MESD: variants seen among roughly 807,000 people sequenced by gnomAD.
The protein encoded by MESD is mesoderm development LRP chaperone, also known as LRP chaperone MESD.
Under a neutral mutation model 12.9 loss-of-function variants are expected in MESD, and 7 were observed. That is an observed-to-expected ratio of 0.54 (90% confidence interval 0.31 to 1.02). MESD has a LOEUF of 1.02. MESD is among the 50% of genes least tolerant of loss of function. The pLI is 0.05. For missense variants in MESD, 342 were observed against 296.7 expected (o/e 1.15, Z -1.12); for synonymous variants, 126 against 115.6 (o/e 1.09, Z -0.58).
At chr15:80,967,561 G>A (rs1193903436) in intron 3 of MESD, among the ~76,000 whole-genome samples, 2 of 152,200 alleles carry the variant, frequency 1.3e-5, no homozygotes, top group African/African-American at 4.8e-5. Context: ...CCAACTTGGA[G>A]CTGAGGTAGG....
At chr15:80,967,988 G>C (rs1042067473) in intron 3 of MESD, among the ~76,000 whole-genome samples, 1 of 152,338 alleles carries the variant, frequency 6.6e-6, no homozygotes, top group Admixed American at 6.5e-5. Flanking sequence ...AAGTGGAAAG[G>C]GGTCCAACAT....
intron 3 of MESD, among the ~76,000 whole-genome samples, chr15:80,952,527 CAT>C (rs1392939756): frequency 6.6e-6 from 1 of 152,140 alleles, no homozygotes; most frequent in Non-Finnish European, 1.5e-5. Flanking sequence ...CGATATAAAA[CAT>C]TTCCATCACC....
intron 4 of MESD, chr15:80,948,972 T>C (rs769495777): frequency 6.8e-6 from 11 of 1,612,620 alleles, no homozygotes; most frequent in Non-Finnish European, 8.5e-6. Flanking sequence ...TGACGGTGAC[T>C]CTTGGCAGCA....
rs769078203 is a variant in MESD, at chr15:80,979,335, TTCC to T, written c.586_588del (p.Gly196del). The T allele has an allele frequency of 1.2e-6, 2 of 1,614,236 alleles. No individual in the cohort carries two copies. Among genetic ancestry groups the T allele is most frequent in the South Asian group, 2.2e-5 (2 of 91,088 alleles). ...TGCTTTGTTTTATTTTTCTCTTTGCTTCCTCCTCCTTTGCCGGGGTACACCTGG... is the reference window on the plus strand; with the variant it reads ...TGCTTTGTTTTATTTTTCTCTTTGCTTCCTCCTTTGCCGGGGTACACCTGG... On this transcript the variant is annotated inframe_deletion, in exon 3 of 3. Transcript: ENST00000261758.
chr15:80,957,296 A>T (rs1267659554), intron 3 of MESD, among the ~76,000 whole-genome samples: 1 of 152,210 alleles, frequency 6.6e-6, no homozygotes, highest in East Asian at 1.9e-4. Flanking sequence ...TACAGTCTCC[A>T]TAAAGAGAGG....
In MESD at chr15:80,984,363, A is replaced by T. The variant is rs79152770; in HGVS notation, c.214-2181T>A. 8.1e-4 allele frequency among the ~76,000 whole-genome samples: 123 copies of T among 152,314 alleles called. 2 individuals carry two copies. In the East Asian group the frequency reaches 0.022, roughly 27 times the overall value. ...TCGAAGCTGGAGATCACCTGAGCAC[A>T]GGAGTTAAAGACCAGCCTGAGCAAC... On this transcript the variant is annotated intron_variant, in intron 1 of 2. Transcript: ENST00000261758.
chr15:80,961,763 G>A (rs1902091074), intron 3 of MESD, among the ~76,000 whole-genome samples: 1 of 152,026 alleles, frequency 6.6e-6, no homozygotes, highest in Non-Finnish European at 1.5e-5. Flanking sequence ...GAAGATGAAA[G>A]AAAAAACATT....
intron 1 of MESD, among the ~76,000 whole-genome samples, chr15:80,984,997 C>T (rs1405178614): frequency 6.6e-6 from 1 of 152,210 alleles, no homozygotes; most frequent in Non-Finnish European, 1.5e-5. Context: ...CCTAAGAATC[C>T]TTACGCCTCG....
rs1035367854 is a variant in MESD at position 80,979,597 on chromosome 15, T to C, written c.447-120A>G. 8.6e-6 allele frequency: 11 copies of C among 1,276,148 alleles called. No individual in the cohort carries two copies. The African/African-American group carries it at 9.0e-5, about 10-fold the overall frequency. 79.1% of individuals were successfully genotyped at this position (1,276,148 alleles called of 1,614,324 possible). A position where few individuals can be genotyped will look rare whatever the true frequency, so the allele number is the denominator to read the frequency against. On this transcript the variant is annotated intron_variant, in intron 2 of 2. Coordinates refer to ENST00000261758, the MANE Select transcript of MESD (RefSeq NM_015154.3). The stretch of plus-strand genomic sequence containing the variant: ...TTCTACATGAATATGGAATGAAAAA[T>C]TGGATTTTCCAAAGCCTAGCAGCTA...
chr15:80,953,751 A>T (rs1012540), intron 3 of MESD, among the ~76,000 whole-genome samples: 22,041 of 152,182 alleles, frequency 0.14, 3,337 homozygotes, highest in African/African-American at 0.38. Flanking sequence ...CCCCACAGAC[A>T]GGAGGGGTGA....
chr15:80,989,728 G>A lies in MESD; in HGVS notation c.64C>T (p.Leu22=), dbSNP rs1465763821. Residue 22 remains leucine (L), a synonymous_variant, in exon 1 of 3, where the codon CTG becomes TTG. Coordinates refer to ENST00000261758, the MANE Select transcript of MESD (RefSeq NM_015154.3). ...VLLCASDLLL[L]LLLLPPPGSC... is the part of the protein sequence containing the mutation. Reference sequence around the variant, plus strand: ...CCAGGCGGTGGTAGCAGTAGCAGCAGCAGCAGCAGGTCAGAGGCACAAAGC... The same window carrying A: ...CCAGGCGGTGGTAGCAGTAGCAGCAACAGCAGCAGGTCAGAGGCACAAAGC... The A allele has an allele frequency of 6.2e-7, 1 of 1,606,552 alleles. No homozygotes were observed. The highest frequency in any genetic ancestry group is 1.7e-5 in the Admixed American group (1 of 59,998).
chr15:80,954,594 CAG>C (rs1045399671), intron 3 of MESD, among the ~76,000 whole-genome samples: 1 of 152,010 alleles, frequency 6.6e-6, no homozygotes, highest in African/African-American at 2.4e-5. Context: ...GGAGAGCAGA[CAG>C]AGGTAATGGT....
intron 3 of MESD, among the ~76,000 whole-genome samples, chr15:80,961,607 A>G (rs982521842): frequency 6.6e-6 from 1 of 152,258 alleles, no homozygotes; most frequent in Non-Finnish European, 1.5e-5. Context: ...AAATTCTGTC[A>G]AAGAATTTAT....
downstream of MESD, chr15:80,946,671 TCTC>T (rs1205088236): frequency 2.3e-5 from 10 of 428,806 alleles, no homozygotes; most frequent in African/African-American, 2.0e-4. Context: ...GCTTACATCC[TCTC>T]CTCTGTTTGG....
downstream of MESD, among the ~76,000 whole-genome samples, chr15:80,974,886 A>C (rs561602183): frequency 2.0e-4 from 30 of 151,602 alleles, no homozygotes; most frequent in South Asian, 5.0e-3. Context: ...TTTTTCAATT[A>C]AAAAAAGAAT....
rs1323241158 is a variant in MESD at position 80,948,572 on chromosome 15, C to A, written c.*953G>T. ...TGTCTACAACAAAGCCATCACCCTG[C>A]CTAGGTGGCAGTGAGGCTCAGGTGA... On this transcript the variant is annotated 3_prime_UTR_variant, in exon 5 of 5. Coordinates refer to the MESD transcript ENST00000561312. The A allele has an allele frequency of 6.6e-6, 4 of 606,282 alleles. No individual in the cohort carries two copies. The African/African-American group carries it at 7.3e-5, about 11-fold the overall frequency. 37.6% of individuals were successfully genotyped at this position (606,282 alleles called of 1,614,324 possible). A position where few individuals can be genotyped will look rare whatever the true frequency, so the allele number is the denominator to read the frequency against.
intron 3 of MESD, among the ~76,000 whole-genome samples, chr15:80,964,096 A>T (rs1321013407): frequency 6.6e-6 from 1 of 152,224 alleles, no homozygotes; most frequent in African/African-American, 2.4e-5. Context: ...CTCAGCCCAA[A>T]ATCTCCTTAA....
intron 1 of MESD, among the ~76,000 whole-genome samples, chr15:80,984,160 A>G (rs1012099285): frequency 2.6e-5 from 4 of 152,080 alleles, no homozygotes; most frequent in African/African-American, 9.7e-5. Context: ...CGGCCTCCCA[A>G]AGTGCTGGGA....
At chr15:80,951,708 A>C (rs1178899112) in intron 4 of MESD, 1 of 153,156 alleles carries the variant, frequency 6.5e-6, no homozygotes, top group African/African-American at 2.4e-5. Flanking sequence ...ACCTAGAGCC[A>C]AGGAAATTGG....
Sources: gnomAD v4.1 joint callset for allele counts (sites outside exome capture counted in the v4.1 genomes callset) on GRCh38, gnomAD v4.1.1 for gene constraint, MANE v1.5 for transcripts, NCBI Gene and HGNC (gene_info 2026-07-23, HGNC 2026-07-21) for gene names.